Variants in KCNK10 observed in about 807,000 individuals in gnomAD.
KCNK10 encodes potassium channel subfamily K member 10.
In KCNK10, 25 loss-of-function variants were observed where a neutral mutation model predicts 47.7. The observed-to-expected ratio is 0.52, with a 90% CI of 0.38 to 0.73. The LOEUF (loss-of-function observed/expected upper bound fraction) is 0.73. Ranked by LOEUF, KCNK10 falls within the 30% of genes least tolerant of loss-of-function variation. KCNK10 has a pLI of 0.00. For missense variants in KCNK10, 563 were observed against 714.5 expected, an observed-to-expected ratio of 0.79 and a Z score of 2.42; for synonymous variants, 303 against 285.6, an observed-to-expected ratio of 1.06 and a Z score of -0.61.
chr14:88,240,450 G>A (rs538850903), intron 3 of KCNK10, among the ~76,000 whole-genome samples: 3 of 152,200 alleles, frequency 2.0e-5, no homozygotes, highest in South Asian at 4.2e-4. Context: ...GAGTTCAACC[G>A]ACCAACTCAT....
intron 1 of KCNK10, among the ~76,000 whole-genome samples, chr14:88,269,969 C>T (rs1055679994): frequency 3.3e-5 from 5 of 152,176 alleles, no homozygotes; most frequent in African/African-American, 1.2e-4. Flanking sequence ...CTCTTGGAAA[C>T]CTGAAATGCA....
intron 1 of KCNK10, among the ~76,000 whole-genome samples, chr14:88,300,603 A>C (rs192773261): frequency 1.3e-5 from 2 of 152,212 alleles, no homozygotes; most frequent in Non-Finnish European, 2.9e-5. Context: ...GCACCTGCTC[A>C]CTACGTAATT....
intron 1 of KCNK10, among the ~76,000 whole-genome samples, chr14:88,295,038 G>C (rs993519511): frequency 2.0e-5 from 3 of 152,162 alleles, no homozygotes; most frequent in Non-Finnish European, 4.4e-5. Flanking sequence ...GACCCTCTTT[G>C]TGAGCTATCT....
Position 88,226,909 on chromosome 14 carries a change from G to A in KCNK10, c.681+466C>T, listed in dbSNP as rs1196065206. On this transcript the variant is annotated intron_variant, in intron 4 of 6. Coordinates refer to ENST00000319231, the MANE Select transcript of KCNK10 (RefSeq NM_138317.3). ...AGAGAGAGACCATTAGGAGACAGGT[G>A]CAAAGCACAGAGCAGTGTCTGGAGA... Among the ~76,000 whole-genome samples the A allele has an allele frequency of 2.0e-5, 3 of 152,332 alleles. No individual in the cohort carries two copies. In the East Asian group the frequency reaches 5.8e-4, roughly 29 times the overall value.
At chr14:88,247,528 C>T (rs1215449924) in intron 2 of KCNK10, among the ~76,000 whole-genome samples, 2 of 152,224 alleles carry the variant, frequency 1.3e-5, no homozygotes, top group African/African-American at 2.4e-5. Flanking sequence ...ATTAGCCTTT[C>T]CTCAGGTCCT....
chr14:88,198,500 C>T (rs1884993745), intron 4 of KCNK10, among the ~76,000 whole-genome samples: 3 of 152,228 alleles, frequency 2.0e-5, no homozygotes, highest in African/African-American at 7.2e-5. Context: ...AATAATACTA[C>T]AGTAACAATG....
chr14:88,262,340 A>G lies in KCNK10; in HGVS notation c.402+862T>C, dbSNP rs1887133925. Among the ~76,000 whole-genome samples the G allele has an allele frequency of 4.6e-5, 7 of 152,284 alleles. 1 individual carries two copies. In the South Asian group the frequency reaches 1.5e-3, roughly 32 times the overall value. On this transcript the variant is annotated intron_variant, in intron 2 of 6. Transcript: ENST00000319231. ...CCTTCCTCCTTCACGTCCAAGGTGA[A>G]GCCCTCCAACAGGGCTCTCCACCAT...
At chr14:88,323,364 T>G, upstream of KCNK10, 1 of 908,116 alleles carries the variant, frequency 1.1e-6, no homozygotes, top group Non-Finnish European at 1.3e-6. Flanking sequence ...CACTTCCCGC[T>G]CCCCGAAAGC....
intron 1 of KCNK10, among the ~76,000 whole-genome samples, chr14:88,286,096 A>T (rs1887753611): frequency 6.6e-6 from 1 of 152,168 alleles, no homozygotes; most frequent in Non-Finnish European, 1.5e-5. Context: ...TCCAGCCAAC[A>T]GCCACGCTGA....
Position 88,185,329 on chromosome 14 carries a change from G to T in KCNK10, c.*206C>A, listed in dbSNP as rs1188130707. The T allele has an allele frequency of 4.3e-6, 3 of 705,800 alleles. No homozygotes were observed. Among genetic ancestry groups the T allele is most frequent in the African/African-American group, 1.8e-5 (1 of 55,626 alleles). The allele number at this position is 705,800 out of a possible 1,614,324, so 43.7% of individuals were successfully genotyped here. On this transcript the variant is annotated 3_prime_UTR_variant, in exon 7 of 7. Coordinates refer to ENST00000319231, the MANE Select transcript of KCNK10 (RefSeq NM_138317.3). This position sits in a 1 kb window ranked among gnomAD's most constrained non-coding sequence, Gnocchi z 4.3. ...CACGGACACTCTTGGTGTGTCCTGC[G>T]TTTGCTATCTGAAATGAAGTTCTTG...
At chr14:88,252,349 C>T (rs1215802513) in intron 2 of KCNK10, among the ~76,000 whole-genome samples, 2 of 152,140 alleles carry the variant, frequency 1.3e-5, no homozygotes, top group Admixed American at 1.3e-4. Flanking sequence ...ACCATTACAT[C>T]CCAGCATCTA....
chr14:88,200,159 CCT>C (rs939552602), intron 4 of KCNK10, among the ~76,000 whole-genome samples: 20 of 151,430 alleles, frequency 1.3e-4, no homozygotes, highest in African/African-American at 4.9e-4. Context: ...TTCTTTCCTT[CCT>C]TCCTTCCTTC....
intron 4 of KCNK10, among the ~76,000 whole-genome samples, chr14:88,220,022 C>A (rs879320322): frequency 2.0e-5 from 3 of 152,138 alleles, no homozygotes; most frequent in African/African-American, 2.4e-5. Context: ...TACAGGGTAA[C>A]TTCTGGGAAA....
At chr14:88,249,551 A>G (rs910066296) in intron 2 of KCNK10, among the ~76,000 whole-genome samples, 1 of 152,176 alleles carries the variant, frequency 6.6e-6, no homozygotes, top group Non-Finnish European at 1.5e-5. Flanking sequence ...CTAGTAACCA[A>G]TAGCTACTGG....
chr14:88,249,825 A>G (rs551578018), intron 2 of KCNK10, among the ~76,000 whole-genome samples: 2 of 152,316 alleles, frequency 1.3e-5, no homozygotes, highest in East Asian at 3.9e-4. Context: ...ACTGAACCTC[A>G]AGCTCCCTGA....
intron 1 of KCNK10, among the ~76,000 whole-genome samples, chr14:88,285,091 G>T: frequency 6.6e-6 from 1 of 152,172 alleles, no homozygotes; most frequent in East Asian, 1.9e-4. Flanking sequence ...CTCACTTTGT[G>T]TCTTGTTTTA....
At position 88,186,067 on chromosome 14, in the gene KCNK10, A is replaced by G; in HGVS notation, c.1100T>C (p.Ile367Thr). The change falls in exon 7 of 7, where the codon ATC (isoleucine) becomes ACC (threonine). Residue 367 changes from isoleucine to threonine, a missense_variant. Coordinates refer to ENST00000319231, the MANE Select transcript of KCNK10 (RefSeq NM_138317.3). This position sits in a 1 kb window ranked among gnomAD's most constrained non-coding sequence, Gnocchi z 5.5. ...RETRRRLSVE[I>T]HDKLQRAATI... ...GGCCGCCCGCTGCAGCTTATCGTGG[A>G]TCTCCACGCTGAGCCTTCGCCGTGT... 6.2e-7 allele frequency: 1 copy of G among 1,612,430 alleles called. No homozygotes were observed. Among genetic ancestry groups the G allele is most frequent in the East Asian group, 2.2e-5 (1 of 44,812 alleles).
At chr14:88,251,718 T>G (rs889076817) in intron 2 of KCNK10, among the ~76,000 whole-genome samples, 2 of 152,240 alleles carry the variant, frequency 1.3e-5, no homozygotes, top group African/African-American at 4.8e-5. Context: ...AGCTTCACAG[T>G]GCTCTTAAGA....
rs943855507 is a variant in KCNK10 at position 88,267,539 on chromosome 14, T to G, written c.53-3988A>C. ...GCGTGCACCACCATGCCCGGCTGAT[T>G]TTTTGTATTTTTAGTAGAGACGGGG... is the stretch of plus-strand genomic sequence containing the variant. On this transcript the variant is annotated intron_variant, in intron 1 of 6. Coordinates refer to ENST00000319231, the MANE Select transcript of KCNK10 (RefSeq NM_138317.3). 5.9e-5 allele frequency among the ~76,000 whole-genome samples: 9 copies of G among 151,932 alleles called. No individual in the cohort carries two copies. The South Asian group carries it at 1.9e-3, about 32-fold the overall frequency.
Sources: allele counts gnomAD v4.1 joint callset (sites outside exome capture counted in the v4.1 genomes callset), GRCh38; gene constraint gnomAD v4.1.1; non-coding constraint Gnocchi (gnomAD v3.1); transcripts MANE v1.5; gene names NCBI Gene and HGNC (gene_info 2026-07-23, HGNC 2026-07-21).